Variants in CNOT4 observed in about 807,000 individuals in gnomAD.
CNOT4 encodes the protein CCR4-NOT transcription complex subunit 4.
In CNOT4, 8 loss-of-function variants were observed where a neutral mutation model predicts 73.8. The ratio of observed to expected loss-of-function variants is 0.11; its 90% CI spans 0.06 to 0.20. The LOEUF (loss-of-function observed/expected upper bound fraction) is 0.20, where lower values mean the gene tolerates loss of function less well. Ranked by LOEUF, CNOT4 falls within the 10% of genes least tolerant of loss-of-function variation. CNOT4 has a pLI of 1.00. For synonymous variants in CNOT4, 293 were observed against 321.1 expected (o/e 0.91, Z 0.94); for missense variants, 564 against 883.4 (o/e 0.64, Z 4.58).
intron 9 of CNOT4, among the ~76,000 whole-genome samples, chr7:135,395,019 CTTGCATCT>C (rs1453070238): frequency 2.6e-5 from 4 of 151,996 alleles, no homozygotes. Context: ...TACTAAATAA[CTTGCATCT>C]TTGTCAGCTG....
At chr7:135,448,577 G>C (rs1272128042) in intron 1 of CNOT4, among the ~76,000 whole-genome samples, 1 of 150,910 alleles carries the variant, frequency 6.6e-6, no homozygotes, top group East Asian at 2.0e-4. Context: ...AGGAAGGAAG[G>C]AAGGACCCAT....
intron 10 of CNOT4, among the ~76,000 whole-genome samples, chr7:135,378,601 G>A (rs1018575292): frequency 1.3e-5 from 2 of 152,114 alleles, no homozygotes; most frequent in Non-Finnish European, 2.9e-5. Flanking sequence ...GTAGTTATTG[G>A]GCAGATAGAG....
chr7:135,407,974 T>A (rs905554605), intron 7 of CNOT4, among the ~76,000 whole-genome samples: 6 of 152,118 alleles, frequency 3.9e-5, no homozygotes, highest in Non-Finnish European at 7.4e-5. Context: ...ATGGGAAACA[T>A]AAACTCACAG....
chr7:135,378,543 T>C (rs1364991841), intron 10 of CNOT4, among the ~76,000 whole-genome samples: 6 of 150,438 alleles, frequency 4.0e-5, no homozygotes, highest in Middle Eastern at 6.4e-3. Context: ...AAGAATATAC[T>C]CGTTTAGGAT....
At chr7:135,445,999 A>G (rs1328367108) in intron 1 of CNOT4, among the ~76,000 whole-genome samples, 2 of 152,142 alleles carry the variant, frequency 1.3e-5, no homozygotes, top group African/African-American at 4.8e-5. Context: ...CTCCCACCTC[A>G]GCCACCTGAG....
chr7:135,401,786 T>C (rs529973325), intron 7 of CNOT4, among the ~76,000 whole-genome samples: 1 of 152,072 alleles, frequency 6.6e-6, no homozygotes, highest in Non-Finnish European at 1.5e-5. Flanking sequence ...CTGAAAAGGC[T>C]AGGAGTTGAG....
chr7:135,423,144 A>T (rs761884553), intron 2 of CNOT4, among the ~76,000 whole-genome samples: 3 of 152,208 alleles, frequency 2.0e-5, no homozygotes, highest in Non-Finnish European at 4.4e-5. Flanking sequence ...TACTAAAAAC[A>T]AATAGTTAAT....
At position 135,474,870 on chromosome 7, in the gene CNOT4, T is replaced by C. The variant is rs191888158; in HGVS notation, c.-93+35019A>G. On this transcript the variant is annotated intron_variant, in intron 1 of 11. Coordinates refer to ENST00000541284, the MANE Select transcript of CNOT4 (RefSeq NM_001190850.2). The stretch of plus-strand genomic sequence containing the variant: ...GACATTACAAATTGCCTCAATCTTT[T>C]TGAAAATTAATGCAAAAACCATAAT... Among the ~76,000 whole-genome samples the C allele has an allele frequency of 2.6e-3, 402 of 152,296 alleles. 1 individual carries two copies. Among genetic ancestry groups the C allele is most frequent in the Non-Finnish European group, 4.8e-3 (325 of 68,020 alleles).
intron 2 of CNOT4, among the ~76,000 whole-genome samples, chr7:135,424,038 AAAACACACACACAC>A (rs1563041525): frequency 8.0e-6 from 1 of 124,920 alleles, no homozygotes; most frequent in African/African-American, 3.3e-5. Context: ...ACAAACAAAC[AAAACACACACACAC>A]ACACACACAC....
In CNOT4 at chr7:135,364,133, T is replaced by C; in HGVS notation, c.1628-67A>G. ...TAAAAAGCTACGTTAGAAACATATGTTGTTCTTTAGTGGTTAAGCGGGAGA... is the reference window on the plus strand; with the variant it reads ...TAAAAAGCTACGTTAGAAACATATGCTGTTCTTTAGTGGTTAAGCGGGAGA... On this transcript the variant is annotated intron_variant, in intron 10 of 11. Coordinates refer to ENST00000541284, the MANE Select transcript of CNOT4 (RefSeq NM_001190850.2). This position sits in a 1 kb window ranked among gnomAD's most constrained non-coding sequence, Gnocchi z 4.3. 1.7e-6 allele frequency: 2 copies of C among 1,199,058 alleles called. No homozygotes were observed. Among genetic ancestry groups the C allele is most frequent in the Non-Finnish European group, 2.4e-6 (2 of 842,796 alleles). The allele number at this position is 1,199,058 out of a possible 1,614,324, so 74.3% of individuals were successfully genotyped here.
At chr7:135,404,712 T>C (rs1185077678) in intron 7 of CNOT4, among the ~76,000 whole-genome samples, 1 of 152,208 alleles carries the variant, frequency 6.6e-6, no homozygotes, top group Admixed American at 6.5e-5. Context: ...TCAGTAAGGA[T>C]ATAGCTGTAT....
At chr7:135,505,001 A>C (rs1804271566) in intron 1 of CNOT4, among the ~76,000 whole-genome samples, 1 of 152,068 alleles carries the variant, frequency 6.6e-6, no homozygotes, top group Non-Finnish European at 1.5e-5. Flanking sequence ...CTTTTTTCCA[A>C]ACTGGTTTTA....
chr7:135,442,789 G>A (rs1215785519), intron 1 of CNOT4, among the ~76,000 whole-genome samples: 2 of 152,042 alleles, frequency 1.3e-5, no homozygotes, highest in African/African-American at 4.8e-5. Flanking sequence ...CATAAACAGT[G>A]GCTTACACCT....
intron 1 of CNOT4, among the ~76,000 whole-genome samples, chr7:135,439,110 T>C (rs1215731850): frequency 6.6e-6 from 1 of 152,166 alleles, no homozygotes. Flanking sequence ...AAAAGTTAAA[T>C]AATATAACTT....
chr7:135,470,332 G>A (rs541708745), intron 1 of CNOT4, among the ~76,000 whole-genome samples: 19 of 150,668 alleles, frequency 1.3e-4, no homozygotes, highest in Admixed American at 1.1e-3. Context: ...AAGCGTCACT[G>A]TATTGCACAG....
chr7:135,479,639 T>C (rs1243100280), intron 1 of CNOT4, among the ~76,000 whole-genome samples: 2 of 152,250 alleles, frequency 1.3e-5, no homozygotes, highest in South Asian at 4.1e-4. Context: ...GGCTCACACC[T>C]GTAATCCCAG....
Position 135,364,045 on chromosome 7 carries a change from C to T in CNOT4, c.1649G>A (p.Ser550Asn). 1 of 1,597,580 alleles carries T rather than the reference C, an allele frequency of 6.3e-7. No homozygotes were observed. The highest frequency in any genetic ancestry group is 8.5e-7 in the Non-Finnish European group (1 of 1,179,276). ...PVADNSSSVE[S>N]LNMKEWQDGL... is the part of the protein sequence containing the mutation. ...GTCCTGCCATTCCTTCATATTTAAA[C>T]TCTCTACAGAACTGCTGTTGTCTGG... Residue 550 changes from serine (S) to asparagine (N), a missense_variant, in exon 11 of 12, where the codon AGT becomes AAT. Transcript: ENST00000541284. This position sits in a 1 kb window ranked among gnomAD's most constrained non-coding sequence, Gnocchi z 4.3.
chr7:135,381,622 T>C (rs973447413), intron 10 of CNOT4, among the ~76,000 whole-genome samples: 1 of 152,192 alleles, frequency 6.6e-6, no homozygotes, highest in Non-Finnish European at 1.5e-5. Flanking sequence ...ACACAGAGTC[T>C]AGAAGCAGCT....
intron 10 of CNOT4, among the ~76,000 whole-genome samples, chr7:135,377,555 CTT>C (rs922503585): frequency 6.6e-6 from 1 of 152,054 alleles, no homozygotes; most frequent in African/African-American, 2.4e-5. Context: ...GAAATACAAA[CTT>C]TTTTTGTTTT....
Sources: allele counts gnomAD v4.1 joint callset (sites outside exome capture counted in the v4.1 genomes callset), GRCh38; gene constraint gnomAD v4.1.1; non-coding constraint Gnocchi (gnomAD v3.1); transcripts MANE v1.5; gene names NCBI Gene and HGNC (gene_info 2026-07-23, HGNC 2026-07-21).